ADAM18: variants seen among roughly 807,000 people sequenced by gnomAD.
ADAM18 encodes ADAM metallopeptidase domain 18.
A neutral mutation model predicts 94.4 loss-of-function variants in ADAM18; 117 were observed. That is an observed-to-expected ratio of 1.24 (90% confidence interval 1.07 to 1.45). ADAM18 has a LOEUF of 1.45. Among genes scored for constraint, ADAM18 ranks in the 40% most tolerant of loss-of-function variants. ADAM18 has a pLI of 0.00. For missense variants in ADAM18, 936 were observed against 880.0 expected (o/e 1.06, Z -0.81); for synonymous variants, 327 against 291.6 (o/e 1.12, Z -1.24).
Position 39,642,078 on chromosome 8 carries a change from C to T in ADAM18, c.910-3260C>T, listed in dbSNP as rs1050767850. ...TTTCTTCTTTTGAAAAATGCCTGTT[C>T]GTGTCCTTTGCCCAATTTTTATGGA... is the stretch of plus-strand genomic sequence containing the variant. On this transcript the variant is annotated intron_variant, in intron 10 of 19. Coordinates refer to ENST00000265707, the MANE Select transcript of ADAM18 (RefSeq NM_014237.3). Among the ~76,000 whole-genome samples, 8 of 152,078 alleles carry T rather than the reference C, an allele frequency of 5.3e-5. No homozygotes were observed. The East Asian group carries it at 1.2e-3, about 22-fold the overall frequency.
intron 1 of ADAM18, 86 bp from the exon 2 acceptor site, chr8:39,585,190 T>C (rs935509861): frequency 2.9e-6 from 3 of 1,019,146 alleles, no homozygotes; most frequent in Non-Finnish European, 4.5e-6. Context: ...GGCGCCACCA[T>C]GCAGTCCGGG....
chr8:39,674,105 T>A (rs1169371723), intron 14 of ADAM18, among the ~76,000 whole-genome samples: 1 of 152,176 alleles, frequency 6.6e-6, no homozygotes, highest in African/African-American at 2.4e-5. Context: ...TTCTGTTGAT[T>A]TGGGGTGGAG....
intron 17 of ADAM18, among the ~76,000 whole-genome samples, chr8:39,704,051 G>A (rs1386460276): frequency 6.6e-6 from 1 of 152,046 alleles, no homozygotes; most frequent in Non-Finnish European, 1.5e-5. Flanking sequence ...AACAAGCTCT[G>A]AAATTGGGGC....
chr8:39,711,807 A>C (rs747005813), intron 18 of ADAM18, among the ~76,000 whole-genome samples: 2 of 152,036 alleles, frequency 1.3e-5, no homozygotes, highest in African/African-American at 2.4e-5. Flanking sequence ...TGTGAGTACC[A>C]TATGGAGAGA....
intron 17 of ADAM18, among the ~76,000 whole-genome samples, chr8:39,693,234 G>A (rs1821830185): frequency 1.3e-5 from 2 of 151,428 alleles, no homozygotes; most frequent in Admixed American, 6.6e-5. Context: ...GAAAATCAGT[G>A]TGTGATATAG....
At chr8:39,727,574 C>G (rs1822952436) in intron 19 of ADAM18, among the ~76,000 whole-genome samples, 1 of 152,204 alleles carries the variant, frequency 6.6e-6, no homozygotes, top group Non-Finnish European at 1.5e-5. Context: ...TGCAGCCAAG[C>G]TCTCTGCCAA....
intron 6 of ADAM18, among the ~76,000 whole-genome samples, chr8:39,614,377 T>G (rs1430332940): frequency 6.6e-6 from 1 of 152,116 alleles, no homozygotes; most frequent in African/African-American, 2.4e-5. Context: ...AAACTAAACT[T>G]CATAAGCAAA....
intron 18 of ADAM18, among the ~76,000 whole-genome samples, chr8:39,719,109 T>C (rs530509230): frequency 6.6e-6 from 1 of 151,426 alleles, no homozygotes; most frequent in South Asian, 2.1e-4. Flanking sequence ...GCTACAGTTA[T>C]CAAGTCAGCG....
At chr8:39,686,513 C>T (rs1356030348) in intron 16 of ADAM18, among the ~76,000 whole-genome samples, 4 of 152,162 alleles carry the variant, frequency 2.6e-5, no homozygotes, top group Non-Finnish European at 4.4e-5. Context: ...GTGACCTAAT[C>T]GCCTTCTACG....
intron 17 of ADAM18, among the ~76,000 whole-genome samples, chr8:39,703,676 G>T (rs1482268269): frequency 6.6e-6 from 1 of 151,974 alleles, no homozygotes; most frequent in Non-Finnish European, 1.5e-5. Flanking sequence ...AGTTTATTGA[G>T]AGTTTTTAAC....
intron 6 of ADAM18, among the ~76,000 whole-genome samples, chr8:39,616,895 A>C (rs1819458970): frequency 6.6e-6 from 1 of 152,250 alleles, no homozygotes; most frequent in Non-Finnish European, 1.5e-5. Flanking sequence ...TAAAAGTAAA[A>C]GCTAAAACTA....
At chr8:39,623,707 T>C (rs1819683673) in intron 6 of ADAM18, among the ~76,000 whole-genome samples, 1 of 151,942 alleles carries the variant, frequency 6.6e-6, no homozygotes, top group African/African-American at 2.4e-5. Context: ...CGCCACTCCC[T>C]TCCCTCAGCC....
chr8:39,690,616 T>A (rs1401833981), intron 16 of ADAM18, among the ~76,000 whole-genome samples: 4 of 152,192 alleles, frequency 2.6e-5, no homozygotes, highest in Admixed American at 2.6e-4. Flanking sequence ...TGTGCAACTG[T>A]CACTACTACT....
chr8:39,672,242 C>T lies in ADAM18; in HGVS notation c.1525+4046C>T, dbSNP rs145670487. 1.8e-4 allele frequency among the ~76,000 whole-genome samples: 28 copies of T among 152,230 alleles called. No homozygotes were observed. The East Asian group carries it at 4.1e-3, about 22-fold the overall frequency. Reference sequence around the variant, plus strand: ...AAAGCCCAAGGCCATAAGGAATGTGCTAGAGAAAGGGATACCATATTCACC... The same window carrying T: ...AAAGCCCAAGGCCATAAGGAATGTGTTAGAGAAAGGGATACCATATTCACC... On this transcript the variant is annotated intron_variant, in intron 14 of 19. Coordinates refer to ENST00000265707, the MANE Select transcript of ADAM18 (RefSeq NM_014237.3).
intron 18 of ADAM18, among the ~76,000 whole-genome samples, chr8:39,707,991 C>T (rs1822288484): frequency 6.6e-6 from 1 of 152,086 alleles, no homozygotes; most frequent in Admixed American, 6.6e-5. Flanking sequence ...AACCTGATAA[C>T]CAAGATGGCA....
At chr8:39,659,492 TAAGAAGA>T (rs1820774112) in intron 12 of ADAM18, among the ~76,000 whole-genome samples, 1 of 152,000 alleles carries the variant, frequency 6.6e-6, no homozygotes, top group Non-Finnish European at 1.5e-5. Context: ...ATGTAAAAAC[TAAGAAGA>T]TGGGCAAGAT....
Position 39,719,070 on chromosome 8 carries a change from C to T in ADAM18, c.2018-4678C>T, listed in dbSNP as rs561490099. ...TGAAAAAAAAATGTTGGAGGAAATACACTGCCCAATATTGAAACTCACTAT... is the reference window on the plus strand; with the variant it reads ...TGAAAAAAAAATGTTGGAGGAAATATACTGCCCAATATTGAAACTCACTAT... On this transcript the variant is annotated intron_variant, in intron 18 of 19. Transcript: ENST00000265707. Among the ~76,000 whole-genome samples the T allele has an allele frequency of 4.0e-5, 6 of 151,136 alleles. No homozygotes were observed. The East Asian group carries it at 1.2e-3, about 29-fold the overall frequency.
intron 6 of ADAM18, among the ~76,000 whole-genome samples, chr8:39,618,298 G>A (rs933952807): frequency 1.1e-4 from 17 of 152,060 alleles, no homozygotes; most frequent in African/African-American, 2.4e-4. Flanking sequence ...CAATGCATTC[G>A]ATATACCAGC....
Position 39,706,909 on chromosome 8 carries a change from G to C in ADAM18, c.2017+5G>C, listed in dbSNP as rs750864715. The C allele has an allele frequency of 2.6e-6, 4 of 1,511,860 alleles. No individual in the cohort carries two copies. Among genetic ancestry groups the C allele is most frequent in the Non-Finnish European group, 3.6e-6 (4 of 1,100,050 alleles). The allele number at this position is 1,511,860 out of a possible 1,614,324, so 93.7% of individuals were successfully genotyped here. On this transcript the variant is annotated splice_donor_5th_base_variant and intron_variant, in intron 18 of 19. Coordinates refer to ENST00000265707, the MANE Select transcript of ADAM18 (RefSeq NM_014237.3). ...ATGGAAATTTTCAGAAATCTGGTAA[G>C]TGGAAATTTGTTTTCTAAAGCAAAA...
Sources: allele counts gnomAD v4.1 joint callset (sites outside exome capture counted in the v4.1 genomes callset), GRCh38; gene constraint gnomAD v4.1.1; transcripts MANE v1.5; gene names NCBI Gene and HGNC (gene_info 2026-07-23, HGNC 2026-07-21).